The following TF variants were observed in gnomAD, a reference collection of about 807,000 sequenced individuals.
TF encodes the protein serotransferrin.
TF carries 55 observed loss-of-function variants against 82.4 expected under a neutral mutation model. The observed-to-expected ratio is 0.67, with a 90% CI of 0.54 to 0.84. The LOEUF (loss-of-function observed/expected upper bound fraction) is 0.84. Among genes scored for constraint, TF ranks in the 40% least tolerant of loss-of-function variants. TF has a pLI of 0.00. For synonymous variants in TF, 332 were observed against 332.6 expected, an observed-to-expected ratio of 1.00 and a Z score of 0.02; for missense variants, 737 against 868.4, an observed-to-expected ratio of 0.85 and a Z score of 1.90.
intron 10 of TF, 23 bp from the exon 11 acceptor site, chr3:133,764,849 CTTT>C (rs1559874681): frequency 1.9e-6 from 3 of 1,612,018 alleles, no homozygotes; most frequent in Non-Finnish European, 2.5e-6. Context: ...GGTTTAATGC[CTTT>C]TTCATTTTCT....
the TF span, among the ~76,000 whole-genome samples, chr3:133,715,439 G>T: frequency 2.6e-5 from 4 of 152,108 alleles, no homozygotes; most frequent in Admixed American, 6.6e-5. Context: ...GTTCAGGATT[G>T]TTGCCCTGGC....
the TF span, among the ~76,000 whole-genome samples, chr3:133,710,322 G>C: frequency 6.6e-6 from 1 of 152,356 alleles, no homozygotes; most frequent in South Asian, 2.1e-4. Context: ...TACCTGAGCA[G>C]CTGAACGTGG....
Position 133,781,066 on chromosome 3 carries a change from C to G in TF, c.*2446C>G, listed in dbSNP as rs1340392823. The G allele has an allele frequency of 4.6e-5, 7 of 151,910 alleles. No individual in the cohort carries two copies. The highest frequency in any genetic ancestry group is 3.9e-4 in the Admixed American group (6 of 15,248). The allele number at this position is 151,910 out of a possible 1,614,324, so 9.4% of individuals were successfully genotyped here. A position where few individuals can be genotyped will look rare whatever the true frequency, so the allele number is the denominator to read the frequency against. Reference sequence around the variant, plus strand: ...GGGCGTGGTGGCTCACACCTGTAATCTCAGCACTTTGGGAGGCCAAGTCGG... The same window carrying G: ...GGGCGTGGTGGCTCACACCTGTAATGTCAGCACTTTGGGAGGCCAAGTCGG... On this transcript the variant is annotated 3_prime_UTR_variant, in exon 17 of 17. Transcript: ENST00000402696.
chr3:133,778,669 A>G lies in TF; in HGVS notation c.*49A>G. On this transcript the variant is annotated 3_prime_UTR_variant, in exon 17 of 17. Transcript: ENST00000402696. ...CAAGGTGAAGATGGGAACGCAGATGATCCATGAGTTTGCCCTGGTTTCACT... is the reference window on the plus strand; with the variant it reads ...CAAGGTGAAGATGGGAACGCAGATGGTCCATGAGTTTGCCCTGGTTTCACT... 1.2e-6 allele frequency: 2 copies of G among 1,607,102 alleles called. No homozygotes were observed. The highest frequency in any genetic ancestry group is 4.5e-5 in the East Asian group (2 of 44,674).
intron 13 of TF, among the ~76,000 whole-genome samples, chr3:133,769,312 T>C (rs996357409): frequency 1.3e-5 from 2 of 152,232 alleles, no homozygotes; most frequent in South Asian, 2.1e-4. Flanking sequence ...AAGTAGAGCA[T>C]GTTGTTTTCA....
rs975925585 is a variant in TF at position 133,754,669 on chromosome 3, A to G, written c.500A>G (p.Lys167Arg). The change falls in exon 4 of 17, where the codon AAA (lysine) becomes AGA (arginine). Residue 167 changes from lysine (K) to arginine (R), a missense_variant and splice_region_variant. Coordinates refer to ENST00000402696, the MANE Select transcript of TF (RefSeq NM_001063.4). The part of the protein sequence containing the change: ...DLPEPRKPLE[K>R]AVANFFSGSC... The stretch of plus-strand genomic sequence containing the variant: ...CCTGAGCCACGTAAACCTCTTGAGA[A>G]AGGTAAGCTGGCAGGAGTCTGGGTG... The G allele has an allele frequency of 1.2e-6, 2 of 1,614,144 alleles. No homozygotes were observed. Among genetic ancestry groups the G allele is most frequent in the African/African-American group, 2.7e-5 (2 of 75,042 alleles).
the TF span, among the ~76,000 whole-genome samples, chr3:133,689,112 G>A: frequency 6.6e-6 from 1 of 152,108 alleles, no homozygotes; most frequent in African/African-American, 2.4e-5. Flanking sequence ...GATCACTTGA[G>A]GTCAGGCGCT....
At chr3:133,712,896 G>A in the TF span, 2 of 152,632 alleles carry the variant, frequency 1.3e-5, no homozygotes, top group Admixed American at 6.5e-5. Flanking sequence ...TCTGGCTGCT[G>A]CATTTGGAAG....
At chr3:133,742,612 A>G (rs922298931), upstream of TF, among the ~76,000 whole-genome samples, 2 of 152,050 alleles carry the variant, frequency 1.3e-5, no homozygotes, top group African/African-American at 4.8e-5. Context: ...TGATTTCGTG[A>G]ATGTCGGTTC....
At position 133,791,201 on chromosome 3, in the gene TF, A is replaced by G. The variant is rs1338537445; in HGVS notation, c.*12581A>G. The G allele has an allele frequency of 6.6e-6, 1 of 152,214 alleles. No homozygotes were observed. The highest frequency in any genetic ancestry group is 1.5e-5 in the Non-Finnish European group (1 of 68,038). The allele number at this position is 152,214 out of a possible 1,614,324, so 9.4% of individuals were successfully genotyped here. ...AGGCTGGCAGGAATTGATGGAGCAC[A>G]CCAGCTTTTTAACCTTGAACTAACT... On this transcript the variant is annotated 3_prime_UTR_variant, in exon 17 of 17. Coordinates refer to ENST00000402696, the MANE Select transcript of TF (RefSeq NM_001063.4).
upstream of TF, among the ~76,000 whole-genome samples, chr3:133,745,380 T>C (rs143780003): frequency 1.3e-5 from 2 of 152,368 alleles, no homozygotes; most frequent in African/African-American, 2.4e-5. Flanking sequence ...ATAATAATCC[T>C]GTATAAGGCC....
At position 133,780,503 on chromosome 3, in the gene TF, TA is replaced by T. The variant is rs1934493619; in HGVS notation, c.*1885del. ...ATTTTATATACATGTAAACAAAAGC[TA>T]ATACATACCTAATGATGAAGAAACA... On this transcript the variant is annotated 3_prime_UTR_variant, in exon 17 of 17. Coordinates refer to ENST00000402696, the MANE Select transcript of TF (RefSeq NM_001063.4). The T allele has an allele frequency of 6.6e-6, 1 of 152,164 alleles. No homozygotes were observed. Among genetic ancestry groups the T allele is most frequent in the Admixed American group, 6.5e-5 (1 of 15,274 alleles). 9.4% of individuals were successfully genotyped at this position (152,164 alleles called of 1,614,324 possible). A position where few individuals can be genotyped will look rare whatever the true frequency, so the allele number is the denominator to read the frequency against.
Position 133,794,448 on chromosome 3 carries a change from A to G in TF, c.*15828A>G, listed in dbSNP as rs957363638. 2.0e-5 allele frequency: 3 copies of G among 152,206 alleles called. No homozygotes were observed. The highest frequency in any genetic ancestry group is 2.9e-5 in the Non-Finnish European group (2 of 68,026). 9.4% of individuals were successfully genotyped at this position (152,206 alleles called of 1,614,324 possible). ...TTTCTGGTTGTATAAAAGCTTTCCCATGCAAGAGGGCTGATGTTATAACAC... is the reference window on the plus strand; with the variant it reads ...TTTCTGGTTGTATAAAAGCTTTCCCGTGCAAGAGGGCTGATGTTATAACAC... On this transcript the variant is annotated 3_prime_UTR_variant, in exon 17 of 17. Transcript: ENST00000402696.
In TF at chr3:133,776,818, G is replaced by A. The variant is rs375825499; in HGVS notation, c.1873-231G>A. Among the ~76,000 whole-genome samples, 14 of 152,284 alleles carry A rather than the reference G, an allele frequency of 9.2e-5. No homozygotes were observed. The East Asian group carries it at 1.4e-3, about 15-fold the overall frequency. The stretch of plus-strand genomic sequence containing the variant: ...GTGTGGGTGGGAGGGACTTATCAGA[G>A]GAAGGTGGGACCAGGGACCCTATAG... On this transcript the variant is annotated intron_variant, in intron 15 of 16. Transcript: ENST00000402696.
At chr3:133,732,640 C>A in the TF span, among the ~76,000 whole-genome samples, 1 of 152,216 alleles carries the variant, frequency 6.6e-6, no homozygotes, top group Non-Finnish European at 1.5e-5. Flanking sequence ...TGAAGGTCTG[C>A]AGCTTCATTT....
intron 13 of TF, 79 bp downstream of exon 13, chr3:133,768,243 C>A: frequency 6.4e-7 from 1 of 1,563,878 alleles, no homozygotes; most frequent in Non-Finnish European, 8.8e-7. Flanking sequence ...AGGTAAGATT[C>A]TTAGGTTCCT....
chr3:133,692,761 G>A, the TF span: 3 of 152,212 alleles, frequency 2.0e-5, no homozygotes, highest in African/African-American at 7.2e-5. Flanking sequence ...TATTCCTCTC[G>A]GCTCCTTTGC....
At chr3:133,715,515 A>G in the TF span, among the ~76,000 whole-genome samples, 1 of 152,192 alleles carries the variant, frequency 6.6e-6, no homozygotes, top group Non-Finnish European at 1.5e-5. Flanking sequence ...ATCAGCATAC[A>G]AAACATGCTG....
chr3:133,753,772 C>T, intron 3 of TF, 69 bp downstream of exon 3: 2 of 1,324,596 alleles, frequency 1.5e-6, no homozygotes, highest in Non-Finnish European at 2.2e-6. Flanking sequence ...CTGTGTTTTA[C>T]AGGCAGGTTT....
Sources: allele counts gnomAD v4.1 joint callset (sites outside exome capture counted in the v4.1 genomes callset), GRCh38; gene constraint gnomAD v4.1.1; transcripts MANE v1.5; gene names NCBI Gene and HGNC (gene_info 2026-07-23, HGNC 2026-07-21).